The following ADAMTSL1 variants were observed in gnomAD, a reference collection of about 807,000 sequenced individuals.
ADAMTSL1 encodes the protein ADAMTS-like protein 1.
ADAMTSL1 carries 126 observed loss-of-function variants against 201.8 expected under a neutral mutation model. That is an observed-to-expected ratio of 0.62 (90% CI 0.54 to 0.72). The LOEUF (loss-of-function observed/expected upper bound fraction) is 0.72. Ranked by LOEUF, ADAMTSL1 falls within the 30% of genes least tolerant of loss-of-function variation. ADAMTSL1 has a pLI of 0.00. For synonymous variants in ADAMTSL1, 1,121 were observed against 903.4 expected (o/e 1.24, Z -4.32); for missense variants, 2,679 against 2,277.8 (o/e 1.18, Z -3.59).
intron 8 of ADAMTSL1, among the ~76,000 whole-genome samples, chr9:18,660,590 A>G (rs139692083): frequency 5.3e-5 from 8 of 152,348 alleles, no homozygotes; most frequent in African/African-American, 1.9e-4. Context: ...CCCTGTGTAG[A>G]AATTATTATC....
rs974114011 is a variant in ADAMTSL1 at position 18,622,177 on chromosome 9, G to A, written c.475-66G>A. The A allele has an allele frequency of 1.9e-6, 3 of 1,577,398 alleles. No individual in the cohort carries two copies. In the South Asian group the frequency reaches 3.5e-5, roughly 19 times the overall value. On this transcript the variant is annotated intron_variant, in intron 4 of 28. Transcript: ENST00000380548. ...AAGGGAGGGTTATTTCATGGTGATT[G>A]GCCTCATAATGGATTTTGCCATCGG...
At chr9:18,430,796 TTGAA>T (rs1819454276) in intron 2 of ADAMTSL1, among the ~76,000 whole-genome samples, 3 of 152,084 alleles carry the variant, frequency 2.0e-5, no homozygotes, top group Non-Finnish European at 4.4e-5. Context: ...CTGAAGGAGA[TTGAA>T]TGAGAGGGGC....
intron 1 of ADAMTSL1, among the ~76,000 whole-genome samples, chr9:18,476,765 T>C (rs1267843285): frequency 6.6e-6 from 1 of 152,166 alleles, no homozygotes; most frequent in African/African-American, 2.4e-5. Flanking sequence ...TGTAACTTAA[T>C]TGGAAAACAT....
chr9:18,470,333 T>C (rs377095218), upstream of ADAMTSL1, among the ~76,000 whole-genome samples: 32 of 152,348 alleles, frequency 2.1e-4, no homozygotes, highest in East Asian at 4.6e-3. Flanking sequence ...CTAGGTGAGT[T>C]GGCAAGTTGT....
intron 2 of ADAMTSL1, among the ~76,000 whole-genome samples, chr9:18,428,948 C>A (rs959652276): frequency 1.6e-4 from 25 of 152,112 alleles, no homozygotes; most frequent in African/African-American, 5.8e-4. Flanking sequence ...TAAACGTCTC[C>A]CTGGAGTCAC....
intron 2 of ADAMTSL1, among the ~76,000 whole-genome samples, chr9:18,397,266 T>A (rs1817791076): frequency 1.3e-5 from 2 of 152,178 alleles, no homozygotes; most frequent in South Asian, 2.1e-4. Flanking sequence ...CTTTCCCATA[T>A]GATATTATCA....
At chr9:18,284,701 T>G (rs1832927395) in intron 2 of ADAMTSL1, among the ~76,000 whole-genome samples, 1 of 152,224 alleles carries the variant, frequency 6.6e-6, no homozygotes, top group Non-Finnish European at 1.5e-5. Flanking sequence ...TAACTATTAT[T>G]TCATAACCCA....
In ADAMTSL1 at chr9:18,777,127, G is replaced by C. The variant is rs1409000025; in HGVS notation, c.2898G>C (p.Lys966Asn). 1 of 1,613,050 alleles carries C rather than the reference G, an allele frequency of 6.2e-7. No homozygotes were observed. The highest frequency in any genetic ancestry group is 1.7e-5 in the Admixed American group (1 of 60,034). ...FVIKLIGGNR[K>N]LVARPLSPRS... ...TTAAGCTCATCGGAGGCAACCGCAA[G>C]CTCGTGGCCCGGCCCTTGAGCCCGA... The change falls in exon 19 of 29, where the codon AAG (lysine) becomes AAC (asparagine). Residue 966 changes from lysine to asparagine, a missense_variant. Transcript: ENST00000380548.
At chr9:18,292,703 G>A (rs920009653) in intron 2 of ADAMTSL1, among the ~76,000 whole-genome samples, 33 of 152,162 alleles carry the variant, frequency 2.2e-4, no homozygotes, top group African/African-American at 7.0e-4. Flanking sequence ...CAGTTCTTCA[G>A]CTTTTGGTCT....
At chr9:17,939,523 G>T (rs1275596716) in intron 1 of ADAMTSL1, among the ~76,000 whole-genome samples, 1 of 151,872 alleles carries the variant, frequency 6.6e-6, no homozygotes, top group Non-Finnish European at 1.5e-5. Context: ...TGTATACTTG[G>T]TTGGTAACAA....
intron 1 of ADAMTSL1, among the ~76,000 whole-genome samples, chr9:18,074,580 T>C (rs1823128080): frequency 1.3e-5 from 2 of 150,826 alleles, no homozygotes; most frequent in Non-Finnish European, 3.0e-5. Context: ...TTCTTCTTTC[T>C]TTTTTTGTTG....
chr9:18,807,790 C>A (rs1823258356), intron 20 of ADAMTSL1, among the ~76,000 whole-genome samples: 1 of 152,092 alleles, frequency 6.6e-6, no homozygotes, highest in South Asian at 2.1e-4. Flanking sequence ...TTTGGTACAG[C>A]GTGCCATGGC....
chr9:18,583,227 G>A (rs1053381885), intron 4 of ADAMTSL1, among the ~76,000 whole-genome samples: 1 of 152,194 alleles, frequency 6.6e-6, no homozygotes, highest in African/African-American at 2.4e-5. Context: ...CCCATGCTGT[G>A]TGCACCCTAG....
chr9:18,466,702 T>C (rs1016502862), intron 2 of ADAMTSL1, among the ~76,000 whole-genome samples: 4 of 152,122 alleles, frequency 2.6e-5, no homozygotes, highest in Admixed American at 1.3e-4. Context: ...CTTTTTTATA[T>C]TTATTTCATA....
At chr9:18,461,886 C>A (rs150191513) in intron 2 of ADAMTSL1, among the ~76,000 whole-genome samples, 105 of 152,260 alleles carry the variant, frequency 6.9e-4, no homozygotes, top group African/African-American at 2.3e-3. Flanking sequence ...TCCACTCCCC[C>A]ATTCCCTGAC....
intron 22 of ADAMTSL1, among the ~76,000 whole-genome samples, chr9:18,828,222 A>G (rs12336551): frequency 0.032 from 4,822 of 152,244 alleles, 250 homozygotes; most frequent in African/African-American, 0.11. Flanking sequence ...CTACCCCTGG[A>G]GAATTTACAG....
chr9:18,493,746 T>C (rs775935947), intron 1 of ADAMTSL1, among the ~76,000 whole-genome samples: 1 of 152,260 alleles, frequency 6.6e-6, no homozygotes, highest in Non-Finnish European at 1.5e-5. Flanking sequence ...GCATACATTT[T>C]TTCCCTCTGT....
At chr9:18,232,468 C>T (rs1477866478) in intron 2 of ADAMTSL1, among the ~76,000 whole-genome samples, 2 of 152,176 alleles carry the variant, frequency 1.3e-5, no homozygotes, top group East Asian at 3.8e-4. Flanking sequence ...ATAATTTACC[C>T]ACTTATCTTG....
chr9:18,602,842 A>G (rs1340419590), intron 4 of ADAMTSL1, among the ~76,000 whole-genome samples: 3 of 152,292 alleles, frequency 2.0e-5, no homozygotes, highest in African/African-American at 7.2e-5. Flanking sequence ...AGGTCGGACA[A>G]TGAGAACTGG....
Sources: gnomAD v4.1 joint callset for allele counts (sites outside exome capture counted in the v4.1 genomes callset) on GRCh38, gnomAD v4.1.1 for gene constraint, MANE v1.5 for transcripts, NCBI Gene and HGNC (gene_info 2026-07-23, HGNC 2026-07-21) for gene names.